UNC79: variants seen among roughly 807,000 people sequenced by gnomAD.
UNC79 encodes the protein protein unc-79 homolog.
UNC79 carries 37 observed loss-of-function variants against 283.1 expected under a neutral mutation model. The ratio of observed to expected loss-of-function variants is 0.13; its 90% CI spans 0.10 to 0.17. UNC79 has a LOEUF of 0.17. Among genes scored for constraint, UNC79 ranks in the 10% least tolerant of loss-of-function variants. The probability of loss-of-function intolerance (pLI) is 1.00; values close to 1 mark genes in which losing one functional copy is unlikely to be tolerated. For synonymous variants in UNC79, 1,107 were observed against 1,200.2 expected, an observed-to-expected ratio of 0.92 and a Z score of 1.61; for missense variants, 2,272 against 3,211.1, an observed-to-expected ratio of 0.71 and a Z score of 7.07.
In UNC79 at chr14:93,509,748, T is replaced by A. The variant is rs1433779739; in HGVS notation, c.898+12462T>A. Among the ~76,000 whole-genome samples the A allele has an allele frequency of 2.6e-5, 4 of 152,156 alleles. No individual in the cohort carries two copies. The East Asian group carries it at 7.7e-4, about 29-fold the overall frequency. On this transcript the variant is annotated intron_variant, in intron 7 of 48. Transcript: ENST00000555664. ...GGTACATCCTCTGCAGCTGCTTTCA[T>A]GGGCTGGTGTTGAGTACCCGCAGCT...
chr14:93,406,857 C>G (rs1454724073), intron 1 of UNC79, among the ~76,000 whole-genome samples: 1 of 152,114 alleles, frequency 6.6e-6, no homozygotes, highest in Non-Finnish European at 1.5e-5. Flanking sequence ...TAACAAAGTA[C>G]TATAAACTAG....
chr14:93,649,694 T>G (rs2070030571), intron 35 of UNC79, among the ~76,000 whole-genome samples: 1 of 152,206 alleles, frequency 6.6e-6, no homozygotes, highest in South Asian at 2.1e-4. Context: ...AATTAACATA[T>G]CACCTCACAT....
intron 24 of UNC79, among the ~76,000 whole-genome samples, chr14:93,599,452 G>A (rs1274594219): frequency 6.6e-6 from 1 of 152,104 alleles, no homozygotes; most frequent in Non-Finnish European, 1.5e-5. Context: ...CAAGAAGCAA[G>A]GGCAAGCTTG....
At chr14:93,706,631 G>T in intron 48 of UNC79, 73 bp from the exon 52 acceptor site, 1 of 1,572,472 alleles carries the variant, frequency 6.4e-7, no homozygotes, top group Non-Finnish European at 8.7e-7. Context: ...CCTGCAAGAA[G>T]CCGCCCGGGT....
Position 93,381,292 on chromosome 14 carries a change from TGA to T in UNC79, c.-351+47770_-351+47771del, listed in dbSNP as rs1262544513. On this transcript the variant is annotated intron_variant, in intron 1 of 49. Coordinates refer to the UNC79 transcript ENST00000256339. ...TTAGGAATATCATGGGATTATCTGA[TGA>T]CGGATGTTGGGGTTGTGACTCCCCC... Among the ~76,000 whole-genome samples the T allele has an allele frequency of 2.6e-5, 4 of 152,330 alleles. No homozygotes were observed. The East Asian group carries it at 7.7e-4, about 29-fold the overall frequency.
chr14:93,594,706 G>A (rs2064939653), intron 23 of UNC79, among the ~76,000 whole-genome samples: 1 of 152,108 alleles, frequency 6.6e-6, no homozygotes, highest in Non-Finnish European at 1.5e-5. Flanking sequence ...GAGTAATGTG[G>A]TAAGGAAGGA....
chr14:93,484,386 TTGA>T (rs1408803687), intron 4 of UNC79, among the ~76,000 whole-genome samples: 1 of 152,230 alleles, frequency 6.6e-6, no homozygotes, highest in Non-Finnish European at 1.5e-5. Context: ...TGCAAATAAC[TTGA>T]TGATCTCTCT....
intron 1 of UNC79, among the ~76,000 whole-genome samples, chr14:93,449,634 AAAAG>A (rs1418945348): frequency 1.3e-5 from 2 of 152,074 alleles, no homozygotes; most frequent in Non-Finnish European, 2.9e-5. Context: ...AAAAAAAAGA[AAAAG>A]AAAAAAACCA....
chr14:93,489,702 A>G (rs1211876348), intron 5 of UNC79, among the ~76,000 whole-genome samples: 1 of 152,212 alleles, frequency 6.6e-6, no homozygotes, highest in African/African-American at 2.4e-5. Flanking sequence ...TGTCTTTTGG[A>G]CCCACTGAGG....
chr14:93,637,769 T>A (rs751460324), intron 32 of UNC79, among the ~76,000 whole-genome samples: 3 of 152,214 alleles, frequency 2.0e-5, no homozygotes, highest in Non-Finnish European at 4.4e-5. Context: ...CTTCTATAAT[T>A]TTTGGACATT....
intron 8 of UNC79, 123 bp downstream of exon 8, chr14:93,524,165 CCT>C: frequency 9.8e-7 from 1 of 1,023,024 alleles, no homozygotes; most frequent in Non-Finnish European, 1.5e-6. Flanking sequence ...ATTCGAAGTA[CCT>C]CCATATTCAA....
At position 93,593,582 on chromosome 14, in the gene UNC79, C is replaced by T. The variant is rs367798374; in HGVS notation, c.3033-98C>T. The T allele has an allele frequency of 6.0e-5, 86 of 1,433,180 alleles. No homozygotes were observed. The East Asian group carries it at 8.4e-4, about 14-fold the overall frequency. The allele number at this position is 1,433,180 out of a possible 1,614,324, so 88.8% of individuals were successfully genotyped here. ...TTTCACCAAAAGCACCCCTACCCAC[C>T]GTCTTGTAACTACTCTTGCCATAAA... On this transcript the variant is annotated intron_variant, in intron 22 of 48. Coordinates refer to ENST00000555664, the Ensembl canonical transcript of UNC79.
rs569810966 is a variant in UNC79, at chr14:93,570,825, G to A, written c.1756-1069G>A. The stretch of plus-strand genomic sequence containing the variant: ...ATTTAGGGTTTCCAAAAGCGTACTT[G>A]TTCCAACGTACTATTCAAAACCAAT... On this transcript the variant is annotated intron_variant, in intron 14 of 48. Transcript: ENST00000555664. Among the ~76,000 whole-genome samples the A allele has an allele frequency of 1.8e-4, 27 of 152,252 alleles. 1 individual carries two copies. The South Asian group carries it at 5.6e-3, about 32-fold the overall frequency.
chr14:93,346,987 G>A (rs1055300869), intron 1 of UNC79, among the ~76,000 whole-genome samples: 2 of 151,764 alleles, frequency 1.3e-5, no homozygotes, highest in Non-Finnish European at 2.9e-5. Context: ...GTGCTGGGTG[G>A]AAGGGGTGGT....
rs573563687 is a variant in UNC79 at position 93,599,938 on chromosome 14, G to A, written c.3373-631G>A. Among the ~76,000 whole-genome samples the A allele has an allele frequency of 2.2e-4, 34 of 152,242 alleles. No individual in the cohort carries two copies. In the South Asian group the frequency reaches 2.3e-3, roughly 10 times the overall value. On this transcript the variant is annotated intron_variant, in intron 24 of 48. Transcript: ENST00000555664. ...CAGATGCAGCTGGGCGTGGTGGCTC[G>A]CGCCTGTAATCCCAGCACTTTGGGA...
At chr14:93,613,298 A>ATG (rs1405901612) in intron 27 of UNC79, among the ~76,000 whole-genome samples, 1 of 149,912 alleles carries the variant, frequency 6.7e-6, no homozygotes, top group Non-Finnish European at 1.5e-5. Context: ...GAGAGACTGC[A>ATG]TGCGTGTGTG....
chr14:93,456,681 C>G (rs529800801), intron 1 of UNC79, among the ~76,000 whole-genome samples: 10 of 152,278 alleles, frequency 6.6e-5, no homozygotes, highest in African/African-American at 2.4e-4. Flanking sequence ...GTACATAGCT[C>G]TAATCTCAGT....
At chr14:93,420,004 G>C (rs1168137787) in intron 1 of UNC79, among the ~76,000 whole-genome samples, 1 of 151,454 alleles carries the variant, frequency 6.6e-6, no homozygotes. Context: ...CGTACCACCA[G>C]AGAAAATTAT....
At chr14:93,555,380 C>T (rs1036481974) in intron 14 of UNC79, among the ~76,000 whole-genome samples, 1 of 151,896 alleles carries the variant, frequency 6.6e-6, no homozygotes, top group East Asian at 1.9e-4. Context: ...TCTTCATTTG[C>T]CAGTTTTTAA....
Sources: gnomAD v4.1 joint callset for allele counts (sites outside exome capture counted in the v4.1 genomes callset) on GRCh38, gnomAD v4.1.1 for gene constraint, MANE v1.5 for transcripts, NCBI Gene and HGNC (gene_info 2026-07-23, HGNC 2026-07-21) for gene names.